The following TMEM132D variants were observed in gnomAD, a reference collection of about 807,000 sequenced individuals.
TMEM132D encodes mature OL transmembrane protein.
Under a neutral mutation model 62.3 loss-of-function variants are expected in TMEM132D, and 21 were observed. The ratio of observed to expected loss-of-function variants is 0.34; its 90% CI spans 0.24 to 0.49. The LOEUF (loss-of-function observed/expected upper bound fraction) is 0.49, where lower values mean the gene tolerates loss of function less well. Ranked by LOEUF, TMEM132D falls within the 20% of genes least tolerant of loss-of-function variation. The pLI is 0.99. For synonymous variants in TMEM132D, 621 were observed against 575.6 expected (o/e 1.08, Z -1.13); for missense variants, 1,346 against 1,402.8 (o/e 0.96, Z 0.65).
intron 1 of TMEM132D, among the ~76,000 whole-genome samples, chr12:129,826,255 T>C (rs1872661447): frequency 6.6e-6 from 1 of 152,128 alleles, no homozygotes; most frequent in Non-Finnish European, 1.5e-5. Flanking sequence ...TGAGTGACCC[T>C]CCTAAGAGGG....
chr12:129,430,935 T>C (rs866902275), intron 3 of TMEM132D, among the ~76,000 whole-genome samples: 1 of 152,234 alleles, frequency 6.6e-6, no homozygotes, highest in Admixed American at 6.5e-5. Context: ...GATACCAGCA[T>C]CATCCTCTGT....
At chr12:129,400,755 T>C (rs1593365529) in intron 3 of TMEM132D, among the ~76,000 whole-genome samples, 1 of 152,218 alleles carries the variant, frequency 6.6e-6, no homozygotes, top group Non-Finnish European at 1.5e-5. Context: ...GGGGAAAATA[T>C]GTAATCTTTG....
intron 2 of TMEM132D, among the ~76,000 whole-genome samples, chr12:129,689,715 A>C (rs950727609): frequency 2.0e-5 from 3 of 152,220 alleles, no homozygotes; most frequent in Non-Finnish European, 2.9e-5. Context: ...TACCCTTATA[A>C]TAAATTCTCA....
intron 1 of TMEM132D, among the ~76,000 whole-genome samples, chr12:129,800,795 C>T (rs1017172172): frequency 8.5e-5 from 13 of 152,108 alleles, no homozygotes; most frequent in African/African-American, 2.9e-4. Flanking sequence ...CCATTTCCAT[C>T]TGAGGTACCG....
intron 3 of TMEM132D, among the ~76,000 whole-genome samples, chr12:129,415,827 A>G (rs551874798): frequency 4.6e-5 from 7 of 152,194 alleles, no homozygotes; most frequent in African/African-American, 1.7e-4. Context: ...GGTGGCTGAC[A>G]CCAGCACCCA....
At chr12:129,385,314 C>A (rs1412459682) in intron 3 of TMEM132D, among the ~76,000 whole-genome samples, 1 of 151,992 alleles carries the variant, frequency 6.6e-6, no homozygotes, top group African/African-American at 2.4e-5. Context: ...TCATATTGGC[C>A]AAGCTGGTCT....
intron 1 of TMEM132D, among the ~76,000 whole-genome samples, chr12:129,717,837 G>C (rs1035561802): frequency 1.3e-5 from 2 of 152,120 alleles, no homozygotes; most frequent in Non-Finnish European, 1.5e-5. Flanking sequence ...GCCCTCGCAG[G>C]GCTGTCATGT....
chr12:129,541,600 AT>A (rs1253275646), intron 2 of TMEM132D, among the ~76,000 whole-genome samples: 3 of 152,176 alleles, frequency 2.0e-5, no homozygotes, highest in Non-Finnish European at 4.4e-5. Flanking sequence ...TGTTTGCCTC[AT>A]TGATACCAAA....
chr12:129,813,947 AAATAC>A (rs1872268946), intron 1 of TMEM132D, among the ~76,000 whole-genome samples: 2 of 152,200 alleles, frequency 1.3e-5, no homozygotes, highest in Admixed American at 6.5e-5. Flanking sequence ...TATTCAATAA[AAATAC>A]AATACCAATG....
chr12:129,690,695 A>G (rs1010646123), intron 2 of TMEM132D, among the ~76,000 whole-genome samples: 2 of 152,162 alleles, frequency 1.3e-5, no homozygotes, highest in African/African-American at 4.8e-5. Flanking sequence ...AAAATATATG[A>G]GATAATCACT....
intron 2 of TMEM132D, among the ~76,000 whole-genome samples, chr12:129,537,384 G>A (rs1054985965): frequency 1.4e-4 from 21 of 152,040 alleles, no homozygotes; most frequent in African/African-American, 4.8e-4. Flanking sequence ...CTCACCCCAC[G>A]ATAAAGGAGA....
At chr12:129,683,572 G>C (rs569975794) in intron 2 of TMEM132D, among the ~76,000 whole-genome samples, 1 of 152,236 alleles carries the variant, frequency 6.6e-6, no homozygotes, top group East Asian at 1.9e-4. Context: ...ATGTGATGAG[G>C]GGATATGAAG....
At position 129,769,485 on chromosome 12, in the gene TMEM132D, G is replaced by A. The variant is rs115861027; in HGVS notation, c.80-68787C>T. ...CCCTCTCATGACACGGAGGAATTAC[G>A]GGAGCTACAATTCAAGATAAGACTT... On this transcript the variant is annotated intron_variant, in intron 1 of 8. Transcript: ENST00000422113. Among the ~76,000 whole-genome samples, 669 of 152,252 alleles carry A rather than the reference G, an allele frequency of 4.4e-3. 9 individuals are homozygous for A. The highest frequency in any genetic ancestry group is 0.015 in the African/African-American group (629 of 41,556).
At chr12:129,699,041 C>G (rs1389260041) in intron 2 of TMEM132D, among the ~76,000 whole-genome samples, 1 of 152,102 alleles carries the variant, frequency 6.6e-6, no homozygotes, top group Non-Finnish European at 1.5e-5. Flanking sequence ...AACCCAAAAA[C>G]ACTTCTACTA....
At chr12:129,783,428 A>G (rs1218394669) in intron 1 of TMEM132D, among the ~76,000 whole-genome samples, 2 of 152,184 alleles carry the variant, frequency 1.3e-5, no homozygotes, top group Non-Finnish European at 2.9e-5. Context: ...TTCCTTTGCC[A>G]CATACACATC....
chr12:129,079,362 G>A (rs1021314349), intron 7 of TMEM132D, among the ~76,000 whole-genome samples: 1 of 152,092 alleles, frequency 6.6e-6, no homozygotes, highest in South Asian at 2.1e-4. Context: ...GAATGTCTAC[G>A]CCTGATGCCC....
intron 2 of TMEM132D, among the ~76,000 whole-genome samples, chr12:129,571,246 G>C (rs1055010552): frequency 1.3e-5 from 2 of 152,078 alleles, no homozygotes; most frequent in Admixed American, 6.6e-5. Flanking sequence ...TTATTTGCAG[G>C]CTACTCTTTA....
intron 3 of TMEM132D, among the ~76,000 whole-genome samples, chr12:129,504,020 TCAC>T (rs1223085410): frequency 5.9e-5 from 9 of 151,822 alleles, no homozygotes; most frequent in African/African-American, 1.9e-4. Flanking sequence ...GTCATCATCA[TCAC>T]TATTGTCATC....
At chr12:129,808,322 G>C (rs1308276154) in intron 1 of TMEM132D, among the ~76,000 whole-genome samples, 1 of 152,074 alleles carries the variant, frequency 6.6e-6, no homozygotes, top group Non-Finnish European at 1.5e-5. Context: ...ACTCCACATT[G>C]TCATAACTCA....
Sources: allele counts gnomAD v4.1 joint callset (sites outside exome capture counted in the v4.1 genomes callset), GRCh38; gene constraint gnomAD v4.1.1; transcripts MANE v1.5; gene names NCBI Gene and HGNC (gene_info 2026-07-23, HGNC 2026-07-21).